DOCK4: variants seen among roughly 807,000 people sequenced by gnomAD.
DOCK4 encodes the protein dedicator of cytokinesis protein 4.
Under a neutral mutation model 268.1 loss-of-function variants are expected in DOCK4, and 97 were observed. The observed-to-expected ratio is 0.36, with a 90% CI of 0.31 to 0.43. The LOEUF (loss-of-function observed/expected upper bound fraction) is 0.43. Among genes scored for constraint, DOCK4 ranks in the 20% least tolerant of loss-of-function variants. The pLI, the probability that DOCK4 is intolerant of heterozygous loss-of-function variation, is 1.00. For missense variants in DOCK4, 2,145 were observed against 2,455.7 expected, an observed-to-expected ratio of 0.87 and a Z score of 2.67; for synonymous variants, 954 against 887.2, an observed-to-expected ratio of 1.08 and a Z score of -1.34.
chr7:112,203,497 T>C (rs1821124834), intron 1 of DOCK4, among the ~76,000 whole-genome samples: 9 of 152,162 alleles, frequency 5.9e-5, no homozygotes, highest in Admixed American at 5.2e-4. Flanking sequence ...CATAAGTATA[T>C]AAAAGCATAA....
At position 112,092,508 on chromosome 7, in the gene DOCK4, C is replaced by T. The variant is rs73715431; in HGVS notation, c.38-88377G>A. 3.7e-3 allele frequency among the ~76,000 whole-genome samples: 570 copies of T among 152,212 alleles called. 3 individuals are homozygous for T. The highest frequency in any genetic ancestry group is 0.013 in the African/African-American group (535 of 41,542). ...TAGAAAACTCTTGCTAACGACCTAA[C>T]GGCGCGACAGGCTCTCTACCTGAAC... On this transcript the variant is annotated intron_variant, in intron 1 of 52. Coordinates refer to ENST00000428084, the MANE Select transcript of DOCK4 (RefSeq NM_001363540.2).
intron 1 of DOCK4, among the ~76,000 whole-genome samples, chr7:112,061,432 C>T (rs182850690): frequency 3.2e-4 from 49 of 152,194 alleles, no homozygotes; most frequent in Admixed American, 1.9e-3. Context: ...GGCTTTGGTT[C>T]ACAAGGTAGC....
intron 1 of DOCK4, among the ~76,000 whole-genome samples, chr7:112,074,334 A>G (rs1280158964): frequency 2.6e-5 from 4 of 152,196 alleles, no homozygotes; most frequent in South Asian, 2.1e-4. Flanking sequence ...TAGATTTTAG[A>G]TATTTGGGAA....
At chr7:111,888,305 T>A (rs546970287) in intron 16 of DOCK4, among the ~76,000 whole-genome samples, 1 of 150,724 alleles carries the variant, frequency 6.6e-6, no homozygotes, top group Non-Finnish European at 1.5e-5. Flanking sequence ...TAGGACTATT[T>A]TTTATTTCCT....
At chr7:111,992,119 G>A (rs1416899365) in intron 5 of DOCK4, among the ~76,000 whole-genome samples, 1 of 152,060 alleles carries the variant, frequency 6.6e-6, no homozygotes. Flanking sequence ...TTATTAAGTG[G>A]TATTTTTAGA....
At chr7:111,792,978 G>C (rs977065728) in intron 30 of DOCK4, among the ~76,000 whole-genome samples, 4 of 152,134 alleles carry the variant, frequency 2.6e-5, no homozygotes, top group Non-Finnish European at 5.9e-5. Flanking sequence ...AGGAAAGTGG[G>C]CACACAATGA....
At chr7:112,165,313 C>T (rs571732858) in intron 1 of DOCK4, among the ~76,000 whole-genome samples, 3 of 151,668 alleles carry the variant, frequency 2.0e-5, no homozygotes, top group Non-Finnish European at 4.4e-5. Flanking sequence ...CCTCCCCTCT[C>T]CCTTCCACTC....
chr7:111,783,121 T>C (rs1335663942), intron 34 of DOCK4, among the ~76,000 whole-genome samples, 197 bp from the exon 35 acceptor site: 1 of 152,116 alleles, frequency 6.6e-6, no homozygotes, highest in Non-Finnish European at 1.5e-5. Context: ...ATCTAATCTC[T>C]AGGGAATCTG....
At chr7:111,781,521 T>C (rs902224076) in intron 35 of DOCK4, among the ~76,000 whole-genome samples, 17 of 152,094 alleles carry the variant, frequency 1.1e-4, no homozygotes, top group African/African-American at 3.6e-4. Context: ...CAGGTTACCG[T>C]TGGGTCTAAT....
chr7:111,788,974 A>G (rs935009792), intron 31 of DOCK4: 2 of 567,346 alleles, frequency 3.5e-6, no homozygotes, highest in Admixed American at 3.0e-5. Flanking sequence ...ACTGCTGCCA[A>G]AGACATCTAT....
chr7:111,809,131 C>T (rs976347518), intron 29 of DOCK4, among the ~76,000 whole-genome samples, 170 bp downstream of exon 29: 1 of 152,164 alleles, frequency 6.6e-6, no homozygotes, highest in African/African-American at 2.4e-5. Flanking sequence ...AAACAATGTG[C>T]AAACATGTTT....
At chr7:111,951,440 C>A (rs990421834) in intron 8 of DOCK4, among the ~76,000 whole-genome samples, 3 of 151,910 alleles carry the variant, frequency 2.0e-5, no homozygotes, top group Non-Finnish European at 4.4e-5. Context: ...ATATTAAATT[C>A]CAGAGTCTGA....
At chr7:111,962,242 G>T (rs530359601) in intron 8 of DOCK4, among the ~76,000 whole-genome samples, 20 of 152,134 alleles carry the variant, frequency 1.3e-4, no homozygotes, top group African/African-American at 4.8e-4. Context: ...TTTCTTTAAG[G>T]CTTCAAGAGC....
At chr7:111,857,810 T>G (rs1051256759) in intron 23 of DOCK4, among the ~76,000 whole-genome samples, 1 of 152,176 alleles carries the variant, frequency 6.6e-6, no homozygotes, top group Non-Finnish European at 1.5e-5. Context: ...CTGCATCAAA[T>G]CTACCCTTTT....
At chr7:112,170,157 T>A (rs1224595225) in intron 1 of DOCK4, among the ~76,000 whole-genome samples, 1 of 152,018 alleles carries the variant, frequency 6.6e-6, no homozygotes, top group African/African-American at 2.4e-5. Flanking sequence ...AGAAAAATAT[T>A]GAAAGAGCAT....
chr7:112,164,219 T>C (rs1053286400), intron 1 of DOCK4, among the ~76,000 whole-genome samples: 6 of 152,118 alleles, frequency 3.9e-5, no homozygotes, highest in Admixed American at 3.3e-4. Context: ...TGTAGTGAGC[T>C]ATGATCAAGC....
intron 25 of DOCK4, among the ~76,000 whole-genome samples, chr7:111,836,413 G>T (rs1435786076): frequency 1.3e-5 from 2 of 151,792 alleles, no homozygotes; most frequent in Non-Finnish European, 2.9e-5. Context: ...GCAAAGCTCA[G>T]ATATTTTTTA....
chr7:112,066,659 T>TG lies in DOCK4; in HGVS notation c.38-62529_38-62528insC, dbSNP rs1563051634. Among the ~76,000 whole-genome samples, 285 of 70,124 alleles carry TG rather than the reference T, an allele frequency of 4.1e-3. 14 individuals are homozygous for TG. Among genetic ancestry groups the TG allele is most frequent in the African/African-American group, 0.021 (253 of 11,916 alleles). 46.0% of individuals were successfully genotyped at this position (70,124 alleles called of 152,430 possible). Reference sequence around the variant, plus strand: ...ACACACATATACATATATACACATATTATACATATACATATACATATATAC... The same window carrying TG: ...ACACACATATACATATATACACATATGTATACATATACATATACATATATAC... On this transcript the variant is annotated intron_variant, in intron 1 of 52. Transcript: ENST00000428084.
chr7:111,800,684 G>A (rs535075885), intron 30 of DOCK4, among the ~76,000 whole-genome samples: 6 of 151,786 alleles, frequency 4.0e-5, no homozygotes, highest in African/African-American at 9.7e-5. Flanking sequence ...ATCTTTTTTC[G>A]CCTAAAGGTA....
Sources: gnomAD v4.1 joint callset for allele counts (sites outside exome capture counted in the v4.1 genomes callset) on GRCh38, gnomAD v4.1.1 for gene constraint, MANE v1.5 for transcripts, NCBI Gene and HGNC (gene_info 2026-07-23, HGNC 2026-07-21) for gene names.